The following NDFIP1 variants were observed in gnomAD, a reference collection of about 807,000 sequenced individuals.
NDFIP1 encodes the protein Nedd4 family interacting protein 1, also known as NEDD4 family-interacting protein 1.
NDFIP1 carries 7 observed loss-of-function variants against 28.8 expected under a neutral mutation model. The ratio of observed to expected loss-of-function variants is 0.24; its 90% confidence interval spans 0.14 to 0.46. The LOEUF (loss-of-function observed/expected upper bound fraction) is 0.46, where lower values mean the gene tolerates loss of function less well. Among genes scored for constraint, NDFIP1 ranks in the 20% least tolerant of loss-of-function variants. NDFIP1 has a pLI of 0.99. For synonymous variants in NDFIP1, 92 were observed against 101.0 expected (o/e 0.91, Z 0.53); for missense variants, 194 against 269.1 (o/e 0.72, Z 1.95).
intron 6 of NDFIP1, among the ~76,000 whole-genome samples, chr5:142,141,792 C>T (rs1757334357): frequency 6.6e-6 from 1 of 151,938 alleles, no homozygotes; most frequent in Non-Finnish European, 1.5e-5. Context: ...GCTAATGGTT[C>T]TGGCTAGGAC....
chr5:142,149,174 T>A (rs1757420959), intron 7 of NDFIP1, among the ~76,000 whole-genome samples: 1 of 152,328 alleles, frequency 6.6e-6, no homozygotes, highest in African/African-American at 2.4e-5. Context: ...TCAAATATTT[T>A]AATTTTTTTC....
At chr5:142,135,461 A>G (rs926206398) in intron 3 of NDFIP1, among the ~76,000 whole-genome samples, 1 of 152,204 alleles carries the variant, frequency 6.6e-6, no homozygotes, top group African/African-American at 2.4e-5. Context: ...TTTGAAGTGT[A>G]TTAAATTTTT....
At chr5:142,129,339 A>G (rs1757202062) in intron 1 of NDFIP1, among the ~76,000 whole-genome samples, 1 of 152,142 alleles carries the variant, frequency 6.6e-6, no homozygotes, top group Non-Finnish European at 1.5e-5. Flanking sequence ...TATTTAAGTA[A>G]TTCCTAGTTC....
At position 142,151,820 on chromosome 5, in the gene NDFIP1, A is replaced by T. The variant is rs1466976291; in HGVS notation, c.*92A>T. ...CAGGAAGTGAATCAAGATGCAGAAC[A>T]CAGAGGAATAATCACCTGCTTTAAA... On this transcript the variant is annotated 3_prime_UTR_variant, in exon 8 of 8. Transcript: ENST00000253814. 1 of 152,824 alleles carries T rather than the reference A, an allele frequency of 6.5e-6. No homozygotes were observed. The allele number at this position is 152,824 out of a possible 1,614,324, so 9.5% of individuals were successfully genotyped here.
intron 7 of NDFIP1, among the ~76,000 whole-genome samples, chr5:142,149,238 C>G (rs755250397): frequency 2.0e-5 from 3 of 151,894 alleles, no homozygotes; most frequent in Non-Finnish European, 2.9e-5. Flanking sequence ...TCTCCTGTTC[C>G]TTAATACTTC....
At chr5:142,112,710 C>G (rs1318125712) in intron 1 of NDFIP1, among the ~76,000 whole-genome samples, 1 of 147,562 alleles carries the variant, frequency 6.8e-6, no homozygotes, top group African/African-American at 2.5e-5. Context: ...AGGAGAAACC[C>G]GGGAGGTGAA....
At position 142,153,606 on chromosome 5, in the gene NDFIP1, A is replaced by G. The variant is rs1002312262; in HGVS notation, c.*1878A>G. 3 of 301,614 alleles carry G rather than the reference A, an allele frequency of 9.9e-6. No homozygotes were observed. The highest frequency in any genetic ancestry group is 4.4e-5 in the African/African-American group (2 of 45,470). 18.7% of individuals were successfully genotyped at this position (301,614 alleles called of 1,614,324 possible). A position where few individuals can be genotyped will look rare whatever the true frequency, so the allele number is the denominator to read the frequency against. ...GGGAGTTTTATGGAAGTTTCTTTGA[A>G]GATTTTTTTTTTTCCATTTCGAATC... is the stretch of plus-strand genomic sequence containing the variant. On this transcript the variant is annotated 3_prime_UTR_variant, in exon 8 of 8. Coordinates refer to ENST00000253814, the MANE Select transcript of NDFIP1 (RefSeq NM_030571.4).
At chr5:142,145,301 C>G (rs1284988068) in intron 7 of NDFIP1, among the ~76,000 whole-genome samples, 1 of 152,176 alleles carries the variant, frequency 6.6e-6, no homozygotes, top group Non-Finnish European at 1.5e-5. Context: ...CCTGCCAAGG[C>G]TCTTTGATTC....
Position 142,109,016 on chromosome 5 carries a change from C to A in NDFIP1, c.42C>A (p.Ala14=). 1 of 1,438,142 alleles carries A rather than the reference C, an allele frequency of 7.0e-7. No individual in the cohort carries two copies. Among genetic ancestry groups the A allele is most frequent in the Non-Finnish European group, 9.1e-7 (1 of 1,097,642 alleles). The allele number at this position is 1,438,142 out of a possible 1,614,324, so 89.1% of individuals were successfully genotyped here. ...CGGCGCTGGCGGCGGTCGAGCCGGC[C>A]TGCGGCAGCCGGTACCAGCAGGTAA... The part of the protein sequence containing the change: ...ALAALAAVEP[A]CGSRYQQLQN... The change falls in exon 1 of 8, where the codon GCC becomes GCA. Residue 14 remains alanine, a synonymous_variant. Transcript: ENST00000253814.
intron 1 of NDFIP1, among the ~76,000 whole-genome samples, chr5:142,130,036 T>C (rs1757211467): frequency 1.3e-5 from 2 of 152,152 alleles, no homozygotes; most frequent in Non-Finnish European, 1.5e-5. Context: ...TGTAGCGGTA[T>C]GGTTTAGAGG....
chr5:142,126,421 T>C (rs940071842), intron 1 of NDFIP1, among the ~76,000 whole-genome samples: 1 of 152,204 alleles, frequency 6.6e-6, no homozygotes, highest in Non-Finnish European at 1.5e-5. Context: ...TTACAAGAAT[T>C]TTCTTGCTGT....
At chr5:142,115,905 A>G (rs1405081768) in intron 1 of NDFIP1, among the ~76,000 whole-genome samples, 2 of 152,248 alleles carry the variant, frequency 1.3e-5, no homozygotes. Context: ...TGCAAGTAAA[A>G]TATACACTAT....
Position 142,151,923 on chromosome 5 carries a change from C to T in NDFIP1, c.*195C>T, listed in dbSNP as rs1757450583. 6.5e-6 allele frequency: 1 copy of T among 152,742 alleles called. No homozygotes were observed. The highest frequency in any genetic ancestry group is 2.1e-4 in the South Asian group (1 of 4,828). 9.5% of individuals were successfully genotyped at this position (152,742 alleles called of 1,614,324 possible). The stretch of plus-strand genomic sequence containing the variant: ...AAATTTTAATAGTTAATGCAGAATT[C>T]TGTAATCATTGAATCATTAGTGGTT... On this transcript the variant is annotated 3_prime_UTR_variant, in exon 8 of 8. Transcript: ENST00000253814.
intron 1 of NDFIP1, among the ~76,000 whole-genome samples, chr5:142,121,213 A>G (rs556296587): frequency 2.6e-4 from 39 of 152,362 alleles, no homozygotes; most frequent in African/African-American, 8.2e-4. Context: ...TTCATATATA[A>G]TACAAACTTT....
At chr5:142,149,523 T>C (rs1757424567) in intron 7 of NDFIP1, among the ~76,000 whole-genome samples, 1 of 151,722 alleles carries the variant, frequency 6.6e-6, no homozygotes, top group African/African-American at 2.4e-5. Flanking sequence ...GTTCTTCAGT[T>C]TGTGTACTGC....
intron 6 of NDFIP1, among the ~76,000 whole-genome samples, chr5:142,141,410 T>TCA (rs1757329267): frequency 3.3e-5 from 5 of 151,762 alleles, no homozygotes. Context: ...TCTCCTGACT[T>TCA]TGTGATCCGC....
intron 1 of NDFIP1, among the ~76,000 whole-genome samples, chr5:142,127,586 G>GTATTAACTACCTA (rs1757183477): frequency 6.6e-6 from 1 of 152,186 alleles, no homozygotes; most frequent in Non-Finnish European, 1.5e-5. Context: ...GTAGTTATAG[G>GTATTAACTACCTA]TAGTTCTGTA....
chr5:142,124,796 T>A (rs1757153752), intron 1 of NDFIP1, among the ~76,000 whole-genome samples: 1 of 151,796 alleles, frequency 6.6e-6, no homozygotes, highest in Non-Finnish European at 1.5e-5. Flanking sequence ...GTTTTTCTTT[T>A]CTTTTTTTTG....
chr5:142,131,878 T>C lies in NDFIP1; in HGVS notation c.134T>C (p.Ile45Thr), dbSNP rs998717076. The C allele has an allele frequency of 1.2e-6, 2 of 1,601,876 alleles. No individual in the cohort carries two copies. The highest frequency in any genetic ancestry group is 1.3e-5 in the African/African-American group (1 of 74,078). ...GATGCTCCTCCACCTTACAGCAGCA[T>C]TTCTGCAGAGAGCGCAGGTAGGTAA... ...AGDAPPPYSS[I>T]SAESAAYFDY... The change falls in exon 2 of 8, where the codon ATT (isoleucine) becomes ACT (threonine). Residue 45 changes from isoleucine (I) to threonine (T), a missense_variant. Ile to Thr is a moderately conservative substitution (Grantham distance 89). Transcript: ENST00000253814.
Sources: gnomAD v4.1 joint callset for allele counts (sites outside exome capture counted in the v4.1 genomes callset) on GRCh38, gnomAD v4.1.1 for gene constraint, MANE v1.5 for transcripts, NCBI Gene and HGNC (gene_info 2026-07-23, HGNC 2026-07-21) for gene names.